Variants in DDX10 observed in about 807,000 individuals in gnomAD.
DDX10 encodes the protein DEAD-box helicase 10, also known as probable ATP-dependent RNA helicase DDX10.
DDX10 carries 74 observed loss-of-function variants against 104.3 expected under a neutral mutation model. The ratio of observed to expected loss-of-function variants is 0.71; its 90% CI spans 0.59 to 0.86. The LOEUF is 0.86. Ranked by LOEUF, DDX10 falls within the 40% of genes least tolerant of loss-of-function variation. DDX10 has a pLI of 0.00. For missense variants in DDX10, 952 were observed against 1,040.0 expected (o/e 0.92, Z 1.16); for synonymous variants, 351 against 353.4 (o/e 0.99, Z 0.08).
intron 13 of DDX10, among the ~76,000 whole-genome samples, chr11:108,725,037 A>T (rs1331391424): frequency 6.6e-6 from 1 of 152,030 alleles, no homozygotes; most frequent in Non-Finnish European, 1.5e-5. Context: ...CACTGATCTG[A>T]TTTCTACCCC....
chr11:108,680,110 GC>G (rs1391546644), intron 6 of DDX10, among the ~76,000 whole-genome samples: 1 of 152,150 alleles, frequency 6.6e-6, no homozygotes. Context: ...TAAAATTCTA[GC>G]AACTATTGTT....
intron 13 of DDX10, among the ~76,000 whole-genome samples, chr11:108,774,716 A>T (rs369332484): frequency 1.3e-5 from 2 of 152,126 alleles, no homozygotes; most frequent in South Asian, 2.1e-4. Flanking sequence ...AGCCAAGAAG[A>T]CTTTTCAGCT....
At chr11:108,737,834 T>C (rs953708339) in intron 13 of DDX10, among the ~76,000 whole-genome samples, 1 of 152,180 alleles carries the variant, frequency 6.6e-6, no homozygotes, top group African/African-American at 2.4e-5. Flanking sequence ...CCCAAGTTTG[T>C]TTTTAAAATT....
At chr11:108,767,903 A>G (rs1263462699) in intron 13 of DDX10, 3 of 152,516 alleles carry the variant, frequency 2.0e-5, no homozygotes, top group Middle Eastern at 3.4e-3. Context: ...ACCCTGAGAC[A>G]GTAAGACCTG....
intron 16 of DDX10, among the ~76,000 whole-genome samples, chr11:108,854,300 T>C (rs1862835841): frequency 6.6e-6 from 1 of 152,246 alleles, no homozygotes; most frequent in Admixed American, 6.5e-5. Context: ...ATTTCTGTGA[T>C]ATGTAAGGAG....
At chr11:108,893,884 T>A (rs1863407183) in intron 16 of DDX10, among the ~76,000 whole-genome samples, 1 of 152,066 alleles carries the variant, frequency 6.6e-6, no homozygotes, top group East Asian at 1.9e-4. Flanking sequence ...CAGTGGATAG[T>A]TAGTTATGAT....
intron 13 of DDX10, among the ~76,000 whole-genome samples, chr11:108,785,423 C>T (rs1218791374): frequency 6.6e-6 from 1 of 151,994 alleles, no homozygotes; most frequent in African/African-American, 2.4e-5. Context: ...TGTTGTATGT[C>T]TGCTAGATTT....
chr11:108,940,612 C>CTCAGA lies in DDX10; in HGVS notation c.*192_*196dup. 3.8e-6 allele frequency: 2 copies of CTCAGA among 520,590 alleles called. No homozygotes were observed. The highest frequency in any genetic ancestry group is 6.6e-6 in the Non-Finnish European group (2 of 301,222). The allele number at this position is 520,590 out of a possible 1,614,324, so 32.2% of individuals were successfully genotyped here. On this transcript the variant is annotated 3_prime_UTR_variant, in exon 18 of 18. Coordinates refer to ENST00000322536, the MANE Select transcript of DDX10 (RefSeq NM_004398.4). ...ATGCTTTGTGCCATCACTGAGCATA[C>CTCAGA]TCAGATCGAGGGTGGATGATACCAT...
chr11:108,670,815 T>A (rs940140166), intron 1 of DDX10, among the ~76,000 whole-genome samples: 3 of 151,896 alleles, frequency 2.0e-5, no homozygotes, highest in Non-Finnish European at 2.9e-5. Flanking sequence ...TTTTTTTAAA[T>A]CAAAATTTGG....
intron 13 of DDX10, among the ~76,000 whole-genome samples, chr11:108,809,239 C>T (rs1345100273): frequency 2.0e-5 from 3 of 152,078 alleles, no homozygotes; most frequent in Non-Finnish European, 2.9e-5. Flanking sequence ...GAAACCGTAT[C>T]GCAGTGGATT....
At chr11:108,863,160 A>C (rs539993663) in intron 16 of DDX10, among the ~76,000 whole-genome samples, 1 of 152,216 alleles carries the variant, frequency 6.6e-6, no homozygotes, top group Non-Finnish European at 1.5e-5. Context: ...TAGCCTCTGT[A>C]ACGTACCTGG....
In DDX10 at chr11:108,897,888, T is replaced by G. The variant is rs531955037; in HGVS notation, c.2305-19985T>G. On this transcript the variant is annotated intron_variant, in intron 16 of 17. Transcript: ENST00000322536. ...AATTAGGATTTCCAATGGTGTATTA[T>G]TCTAGTATCAACTCAATCCAATAAG... 2.6e-5 allele frequency among the ~76,000 whole-genome samples: 4 copies of G among 152,240 alleles called. No individual in the cohort carries two copies. The South Asian group carries it at 8.3e-4, about 32-fold the overall frequency.
At chr11:108,887,893 G>T (rs1370431756) in intron 16 of DDX10, among the ~76,000 whole-genome samples, 5 of 151,786 alleles carry the variant, frequency 3.3e-5, no homozygotes, top group Non-Finnish European at 2.9e-5. Context: ...CTCCAGCCTG[G>T]GTGACAGAGC....
intron 13 of DDX10, among the ~76,000 whole-genome samples, chr11:108,798,849 A>G (rs1451930384): frequency 2.0e-5 from 3 of 151,802 alleles, no homozygotes; most frequent in African/African-American, 4.8e-5. Flanking sequence ...TTTCCTTTAC[A>G]GTCTTTGTGG....
intron 15 of DDX10, among the ~76,000 whole-genome samples, chr11:108,846,951 C>G (rs1241887627): frequency 6.6e-6 from 1 of 152,204 alleles, no homozygotes; most frequent in Non-Finnish European, 1.5e-5. Flanking sequence ...TCTGTAACTG[C>G]TTTGGATCAT....
At chr11:108,841,580 G>T in intron 15 of DDX10, 104 bp downstream of exon 15, 3 of 1,068,722 alleles carry the variant, frequency 2.8e-6, no homozygotes, top group Non-Finnish European at 3.9e-6. Flanking sequence ...TTTCTTCATT[G>T]TTTTCTCTGA....
intron 13 of DDX10, among the ~76,000 whole-genome samples, chr11:108,735,312 G>A (rs1310086408): frequency 6.6e-6 from 1 of 152,206 alleles, no homozygotes; most frequent in Non-Finnish European, 1.5e-5. Context: ...AACACCTGCT[G>A]TGTGCTAGGC....
chr11:108,749,562 C>T (rs145128586), intron 13 of DDX10, among the ~76,000 whole-genome samples: 53 of 152,204 alleles, frequency 3.5e-4, no homozygotes, highest in African/African-American at 1.0e-3. Flanking sequence ...TCTCTACTGA[C>T]GCTTCTTAGA....
intron 2 of DDX10, 45 bp downstream of exon 2, chr11:108,673,572 A>AT: frequency 7.1e-7 from 1 of 1,404,130 alleles, no homozygotes; most frequent in Non-Finnish European, 1.0e-6. Flanking sequence ...ATTTCTTGGC[A>AT]TTTTTGATAA....
Sources: gnomAD v4.1 joint callset for allele counts (sites outside exome capture counted in the v4.1 genomes callset) on GRCh38, gnomAD v4.1.1 for gene constraint, MANE v1.5 for transcripts, NCBI Gene and HGNC (gene_info 2026-07-23, HGNC 2026-07-21) for gene names.